Variants in ANK2 observed in about 807,000 individuals in gnomAD.
The protein encoded by ANK2 is ankyrin 2.
A neutral mutation model predicts 360.5 loss-of-function variants in ANK2; 83 were observed. That is an observed-to-expected ratio of 0.23 (90% confidence interval 0.19 to 0.28). The LOEUF (loss-of-function observed/expected upper bound fraction) is 0.28, where lower values mean the gene tolerates loss of function less well. Ranked by LOEUF, ANK2 falls within the 10% of genes least tolerant of loss-of-function variation. The probability of loss-of-function intolerance (pLI) is 1.00; values close to 1 mark genes in which losing one functional copy is unlikely to be tolerated. For synonymous variants in ANK2, 1,740 were observed against 1,759.5 expected, an observed-to-expected ratio of 0.99 and a Z score of 0.28; for missense variants, 4,201 against 4,795.7, an observed-to-expected ratio of 0.88 and a Z score of 3.66.
chr4:112,846,788 A>T (rs1474056725), intron 1 of ANK2, among the ~76,000 whole-genome samples: 3 of 152,174 alleles, frequency 2.0e-5, no homozygotes, highest in African/African-American at 7.2e-5. Context: ...TGTAACAAAG[A>T]GGTAGATGGG....
At chr4:113,175,481 C>T (rs1432982692) in intron 2 of ANK2, among the ~76,000 whole-genome samples, 4 of 152,092 alleles carry the variant, frequency 2.6e-5, no homozygotes, top group Admixed American at 6.6e-5. Context: ...TCATCTTTCC[C>T]CCTCTCCAGC....
At chr4:112,707,380 A>G in the ANK2 span, among the ~76,000 whole-genome samples, 1 of 152,236 alleles carries the variant, frequency 6.6e-6, no homozygotes, top group African/African-American at 2.4e-5. Context: ...ATGACTAAAA[A>G]GTAGTGTGTA....
At chr4:112,783,386 T>C in the ANK2 span, among the ~76,000 whole-genome samples, 1 of 152,178 alleles carries the variant, frequency 6.6e-6, no homozygotes, top group African/African-American at 2.4e-5. Flanking sequence ...TGCATAAACA[T>C]TGGCAGTGTC....
chr4:112,774,506 G>A, the ANK2 span, among the ~76,000 whole-genome samples: 14,688 of 152,202 alleles, frequency 0.097, 903 homozygotes, highest in Middle Eastern at 0.14. Context: ...CAGTCTGGGC[G>A]ACAGAGCGAG....
intron 11 of ANK2, among the ~76,000 whole-genome samples, chr4:113,256,464 C>T (rs1473368094): frequency 2.0e-5 from 3 of 152,140 alleles, no homozygotes; most frequent in Admixed American, 6.5e-5. Flanking sequence ...TAGTGTGTTA[C>T]GGCTTCAGGG....
At chr4:113,304,045 G>T (rs971038856) in intron 23 of ANK2, among the ~76,000 whole-genome samples, 2 of 152,128 alleles carry the variant, frequency 1.3e-5, no homozygotes, top group Non-Finnish European at 1.5e-5. Context: ...AACAAATGTT[G>T]GATCAATGTA....
intron 1 of ANK2, among the ~76,000 whole-genome samples, chr4:113,162,341 C>T (rs2097566728): frequency 6.6e-6 from 1 of 152,062 alleles, no homozygotes; most frequent in Admixed American, 6.6e-5. Flanking sequence ...CTGTCTTTTA[C>T]TTATGGTGTA....
At chr4:112,963,578 G>C (rs2035857189) in intron 2 of ANK2, among the ~76,000 whole-genome samples, 1 of 152,110 alleles carries the variant, frequency 6.6e-6, no homozygotes, top group Admixed American at 6.5e-5. Flanking sequence ...AGAAGGGGCA[G>C]ACTGAATTTT....
chr4:112,856,852 A>G (rs1262865658), intron 1 of ANK2, among the ~76,000 whole-genome samples: 1 of 152,242 alleles, frequency 6.6e-6, no homozygotes, highest in Admixed American at 6.5e-5. Flanking sequence ...AATTGGGGTC[A>G]ACTCTTAATA....
In ANK2 at chr4:113,293,580, C is replaced by T. The variant is rs762168852; in HGVS notation, c.2475+42C>T. ...GACTAGCTTCAGCCCTGTTATTCTT[C>T]GTTTTCAAACTAAATACATGTACAG... On this transcript the variant is annotated intron_variant, in intron 22 of 45. Coordinates refer to ENST00000357077, the MANE Select transcript of ANK2 (RefSeq NM_001148.6). The T allele has an allele frequency of 7.2e-6, 11 of 1,535,590 alleles. No homozygotes were observed. In the East Asian group the frequency reaches 2.0e-4, roughly 28 times the overall value.
At chr4:112,997,335 A>C (rs2048912251) in intron 2 of ANK2, among the ~76,000 whole-genome samples, 1 of 152,164 alleles carries the variant, frequency 6.6e-6, no homozygotes, top group Non-Finnish European at 1.5e-5. Flanking sequence ...CACCAGGTAC[A>C]ATAGATCTCT....
chr4:113,064,329 T>C (rs979425221), intron 1 of ANK2, among the ~76,000 whole-genome samples: 1 of 152,176 alleles, frequency 6.6e-6, no homozygotes, highest in African/African-American at 2.4e-5. Flanking sequence ...GAGCACTCTG[T>C]GTGACTTACC....
chr4:113,238,920 A>G (rs912429065), intron 7 of ANK2, among the ~76,000 whole-genome samples: 4 of 152,138 alleles, frequency 2.6e-5, no homozygotes, highest in Admixed American at 2.6e-4. Flanking sequence ...TGCAAATGAT[A>G]TTACTATATT....
chr4:113,039,755 T>C (rs2062488196), intron 2 of ANK2, among the ~76,000 whole-genome samples: 1 of 152,022 alleles, frequency 6.6e-6, no homozygotes, highest in African/African-American at 2.4e-5. Context: ...TCTTACTTAC[T>C]GAGAGGTAGG....
Position 113,357,010 on chromosome 4 carries a change from G to T in ANK2, c.8392G>T (p.Gly2798Cys). 6.2e-7 allele frequency: 1 copy of T among 1,614,010 alleles called. No individual in the cohort carries two copies. The highest frequency in any genetic ancestry group is 8.5e-7 in the Non-Finnish European group (1 of 1,179,964). The change falls in exon 38 of 46, where the codon GGT (glycine) becomes TGT (cysteine). Residue 2798 changes from glycine (G) to cysteine (C), a missense_variant. Transcript: ENST00000357077. ...PVSSGLQSPT[G>C]DDVDEQPVIY... is the part of the protein sequence containing the mutation. The stretch of plus-strand genomic sequence containing the variant: ...CTCTTCAGGTCTACAGAGTCCGACT[G>T]GTGATGATGTTGATGAACAGCCAGT...
At chr4:113,137,471 G>A (rs1582751327) in intron 1 of ANK2, among the ~76,000 whole-genome samples, 1 of 152,170 alleles carries the variant, frequency 6.6e-6, no homozygotes, top group South Asian at 2.1e-4. Flanking sequence ...TTTGAGTAGG[G>A]CATTGGCTTA....
At chr4:113,059,934 A>G (rs997385455) in intron 1 of ANK2, among the ~76,000 whole-genome samples, 35 of 152,122 alleles carry the variant, frequency 2.3e-4, no homozygotes, top group African/African-American at 8.4e-4. Context: ...AAAGGCATAC[A>G]CTTCATTCTT....
intron 2 of ANK2, among the ~76,000 whole-genome samples, chr4:112,929,927 A>T (rs2093000268): frequency 6.6e-6 from 1 of 152,202 alleles, no homozygotes; most frequent in African/African-American, 2.4e-5. Context: ...TTACGAGTAG[A>T]CATTACCCAG....
rs569323034 is a variant in ANK2, at chr4:112,894,164, TAA to T, written c.-39-10281_-39-10280del. 8.6e-3 allele frequency among the ~76,000 whole-genome samples: 1,275 copies of T among 148,946 alleles called. 12 individuals carry two copies. The highest frequency in any genetic ancestry group is 0.029 in the African/African-American group (1,197 of 40,822). ...TCAAAATGCCCTAGTTGGCTTCTTT[TAA>T]AAAAAAAAATCAAATTCTCTCATTT... On this transcript the variant is annotated intron_variant, in intron 1 of 30. Transcript: ENST00000503271.
Sources: allele counts gnomAD v4.1 joint callset (sites outside exome capture counted in the v4.1 genomes callset), GRCh38; gene constraint gnomAD v4.1.1; transcripts MANE v1.5; gene names NCBI Gene and HGNC (gene_info 2026-07-23, HGNC 2026-07-21).